The following PLB1 variants were observed in gnomAD, a reference collection of about 807,000 sequenced individuals.
PLB1 encodes the protein phospholipase B1, membrane-associated.
PLB1 carries 242 observed loss-of-function variants against 227.4 expected under a neutral mutation model. That is an observed-to-expected ratio of 1.06 (90% confidence interval 0.96 to 1.18). PLB1 has a LOEUF of 1.18. Among genes scored for constraint, PLB1 ranks in the 50% most tolerant of loss-of-function variants. The pLI is 0.00. For missense variants in PLB1, 1,858 were observed against 1,816.3 expected (o/e 1.02, Z -0.42); for synonymous variants, 757 against 682.2 (o/e 1.11, Z -1.71).
At chr2:28,603,104 A>G (rs1684156508) in intron 39 of PLB1, among the ~76,000 whole-genome samples, 183 bp downstream of exon 39, 1 of 152,148 alleles carries the variant, frequency 6.6e-6, no homozygotes, top group African/African-American at 2.4e-5. Context: ...CTGTTACCCA[A>G]CTTCAAGGTG....
intron 11 of PLB1, among the ~76,000 whole-genome samples, chr2:28,539,816 G>A (rs1281721076): frequency 6.6e-6 from 1 of 151,940 alleles, no homozygotes; most frequent in African/African-American, 2.4e-5. Context: ...GAAGAACAGT[G>A]AGCGGGGAGG....
At chr2:28,508,545 C>T (rs371780136) in intron 1 of PLB1, among the ~76,000 whole-genome samples, 2 of 152,224 alleles carry the variant, frequency 1.3e-5, no homozygotes, top group East Asian at 3.8e-4. Context: ...CAGGTCCATG[C>T]AGCATCCTAC....
At chr2:28,640,781 T>C in intron 56 of PLB1, 146 bp from the exon 57 acceptor site, 1 of 750,152 alleles carries the variant, frequency 1.3e-6, no homozygotes, top group East Asian at 2.8e-5. Flanking sequence ...GCTGGGTCCC[T>C]GCTGTGGGCC....
chr2:28,625,994 TTTTC>T (rs1389507795), intron 50 of PLB1, among the ~76,000 whole-genome samples: 4 of 149,552 alleles, frequency 2.7e-5, no homozygotes, highest in Middle Eastern at 3.2e-3. Context: ...ACTTTGTTGC[TTTTC>T]TTTTTTTTTT....
Position 28,614,023 on chromosome 2 carries a change from T to TTTTC in PLB1, c.3130-8_3130-7insTTTC. 2 of 1,608,468 alleles carry TTTTC rather than the reference T, an allele frequency of 1.2e-6. No individual in the cohort carries two copies. Among genetic ancestry groups the TTTTC allele is most frequent in the Non-Finnish European group, 1.7e-6 (2 of 1,174,912 alleles). ...GATAACTTCTCCATGTGTTTTTTTT[T>TTTTC]CTCTTAGAATGAGCCCTTCCTGAGA... On this transcript the variant is annotated splice_polypyrimidine_tract_variant and splice_region_variant and intron_variant, in intron 43 of 57. Transcript: ENST00000327757.
chr2:28,500,262 C>T (rs1029829773), intron 1 of PLB1, among the ~76,000 whole-genome samples: 2 of 152,184 alleles, frequency 1.3e-5, no homozygotes, highest in Non-Finnish European at 2.9e-5. Flanking sequence ...TGTCAGTGAA[C>T]ATCTTCAGCT....
intron 31 of PLB1, 46 bp downstream of exon 31, chr2:28,591,806 G>GCC: frequency 1.3e-6 from 2 of 1,580,610 alleles, no homozygotes; most frequent in Non-Finnish European, 1.7e-6. Context: ...CTCCACAGGG[G>GCC]CTGCTATGCT....
chr2:28,544,487 C>T (rs1303397182), intron 14 of PLB1, among the ~76,000 whole-genome samples: 4 of 152,334 alleles, frequency 2.6e-5, no homozygotes, highest in South Asian at 2.1e-4. Context: ...TACCACCATA[C>T]CACCTTGTAC....
intron 56 of PLB1, among the ~76,000 whole-genome samples, chr2:28,636,238 T>C (rs901960825): frequency 2.6e-5 from 4 of 152,208 alleles, no homozygotes; most frequent in African/African-American, 7.2e-5. Flanking sequence ...TTTGTATTTT[T>C]AGTAGAGACA....
intron 8 of PLB1, 121 bp downstream of exon 8, chr2:28,529,900 G>T: frequency 1.2e-6 from 1 of 835,264 alleles, no homozygotes; most frequent in Non-Finnish European, 1.9e-6. Context: ...GTGTGACCTG[G>T]GTTCTTTAAA....
rs577795705 is a variant in PLB1, at chr2:28,625,048, C to G, written c.3528-9C>G. The stretch of plus-strand genomic sequence containing the variant: ...GGCACTAACGCCCCTCTCTCTACCC[C>G]CCACCTAGGGACATGCCAGCCCAGG... On this transcript the variant is annotated splice_polypyrimidine_tract_variant and intron_variant, in intron 49 of 57. Transcript: ENST00000327757. 4 of 1,613,174 alleles carry G rather than the reference C, an allele frequency of 2.5e-6. No individual in the cohort carries two copies. Among genetic ancestry groups the G allele is most frequent in the South Asian group, 2.2e-5 (2 of 90,898 alleles).
At chr2:28,556,792 C>CTAATTACAT (rs1675203704) in intron 17 of PLB1, among the ~76,000 whole-genome samples, 1 of 152,162 alleles carries the variant, frequency 6.6e-6, no homozygotes. Flanking sequence ...ATCCACAAAG[C>CTAATTACAT]TAATTACATG....
Position 28,529,712 on chromosome 2 carries a change from C to G in PLB1, c.417-16C>G, listed in dbSNP as rs535525170. The G allele has an allele frequency of 4.3e-6, 7 of 1,613,440 alleles. No homozygotes were observed. The Admixed American group carries it at 1.2e-4, about 27-fold the overall frequency. On this transcript the variant is annotated splice_polypyrimidine_tract_variant and intron_variant, in intron 7 of 57. Transcript: ENST00000327757. Reference sequence around the variant, plus strand: ...ATATTTAGCCAATTTTTCTCTGTTTCCCTCCCTCTGCACAGAGACTTGTGG... The same window carrying G: ...ATATTTAGCCAATTTTTCTCTGTTTGCCTCCCTCTGCACAGAGACTTGTGG...
chr2:28,534,093 A>G lies in PLB1; in HGVS notation c.555+1899A>G, dbSNP rs528169196. 3.3e-5 allele frequency among the ~76,000 whole-genome samples: 5 copies of G among 152,338 alleles called. No individual in the cohort carries two copies. The East Asian group carries it at 9.6e-4, about 29-fold the overall frequency. On this transcript the variant is annotated intron_variant, in intron 9 of 57. Coordinates refer to ENST00000327757, the MANE Select transcript of PLB1 (RefSeq NM_153021.5). ...TTTAATATAGTGTTATATTGTATGT[A>G]CTACTGAACAGTTTTTTTCACTAAC...
At chr2:28,605,788 A>T in intron 41 of PLB1, 65 bp from the exon 42 acceptor site, 1 of 1,368,252 alleles carries the variant, frequency 7.3e-7, no homozygotes, top group Non-Finnish European at 1.0e-6. Flanking sequence ...CCCAGGGCCA[A>T]GTCCGCTGGT....
chr2:28,529,288 C>G (rs1425241122), intron 6 of PLB1, 29 bp from the exon 7 acceptor site: 1 of 1,535,620 alleles, frequency 6.5e-7, no homozygotes, highest in South Asian at 1.1e-5. Flanking sequence ...CTGGTGAAGG[C>G]CAGGGCCTCA....
At chr2:28,538,135 G>A (rs1671954267) in intron 9 of PLB1, 184 bp from the exon 10 acceptor site, 1 of 765,126 alleles carries the variant, frequency 1.3e-6, no homozygotes, top group African/African-American at 1.7e-5. Flanking sequence ...GAAAATAGAA[G>A]AACAAAATGA....
chr2:28,594,779 C>T (rs1349124432), intron 33 of PLB1: 1 of 152,178 alleles, frequency 6.6e-6, no homozygotes, highest in African/African-American at 2.4e-5. Context: ...TGCGTTTCCA[C>T]AAGTCCTTGG....
chr2:28,615,514 A>T (rs914323732), intron 44 of PLB1, among the ~76,000 whole-genome samples: 1 of 152,186 alleles, frequency 6.6e-6, no homozygotes, highest in South Asian at 2.1e-4. Flanking sequence ...GAACTATTGG[A>T]TGCTAAGCTC....
Sources: allele counts gnomAD v4.1 joint callset (sites outside exome capture counted in the v4.1 genomes callset), GRCh38; gene constraint gnomAD v4.1.1; transcripts MANE v1.5; gene names NCBI Gene and HGNC (gene_info 2026-07-23, HGNC 2026-07-21).